GPA33: variants seen among roughly 807,000 people sequenced by gnomAD.
GPA33 encodes the protein glycoprotein A33.
Under a neutral mutation model 35.6 loss-of-function variants are expected in GPA33, and 27 were observed. The observed-to-expected ratio is 0.76, with a 90% CI of 0.56 to 1.04. The LOEUF is 1.04. Ranked by LOEUF, GPA33 falls within the 50% of genes least tolerant of loss-of-function variation. The pLI, the probability that GPA33 is intolerant of heterozygous loss-of-function variation, is 0.00. For missense variants in GPA33, 428 were observed against 411.9 expected (o/e 1.04, Z -0.34); for synonymous variants, 176 against 164.0 (o/e 1.07, Z -0.56).
chr1:167,085,182 T>C lies in GPA33; in HGVS notation c.43+5063A>G, dbSNP rs534445762. Among the ~76,000 whole-genome samples the C allele has an allele frequency of 4.6e-5, 7 of 152,092 alleles. No individual in the cohort carries two copies. In the South Asian group the frequency reaches 1.2e-3, roughly 27 times the overall value. On this transcript the variant is annotated intron_variant, in intron 1 of 6. Transcript: ENST00000367868. Reference sequence around the variant, plus strand: ...GGTGGAGGTGGATGTAGAGTGACAATAGGAGAGCCTGGGACTGAGGGTGAG... The same window carrying C: ...GGTGGAGGTGGATGTAGAGTGACAACAGGAGAGCCTGGGACTGAGGGTGAG...
intron 1 of GPA33, among the ~76,000 whole-genome samples, chr1:167,074,790 G>C (rs1454265420): frequency 6.6e-6 from 1 of 151,958 alleles, no homozygotes; most frequent in Admixed American, 6.6e-5. Flanking sequence ...TGTGGGGGTG[G>C]GGGTGGTCTC....
intron 1 of GPA33, among the ~76,000 whole-genome samples, chr1:167,081,805 G>A (rs1005291264): frequency 6.6e-6 from 1 of 152,204 alleles, no homozygotes; most frequent in African/African-American, 2.4e-5. Context: ...CTGGGGCAGC[G>A]TCTGAGTCTC....
rs1194416588 is a variant in GPA33, at chr1:167,074,966, G to T, written c.44-1427C>A. 2.8e-5 allele frequency among the ~76,000 whole-genome samples: 4 copies of T among 144,452 alleles called. No individual in the cohort carries two copies. In the East Asian group the frequency reaches 5.9e-4, roughly 21 times the overall value. The allele number at this position is 144,452 out of a possible 152,430, so 94.8% of individuals were successfully genotyped here. ...CTCTGTTGCCAGGCTGGAGTGCAGT[G>T]GCTCGATCTTGAATTGCCTCCTCCC... is the stretch of plus-strand genomic sequence containing the variant. On this transcript the variant is annotated intron_variant, in intron 1 of 6. Coordinates refer to ENST00000367868, the MANE Select transcript of GPA33 (RefSeq NM_005814.3).
intron 1 of GPA33, among the ~76,000 whole-genome samples, chr1:167,079,843 C>T (rs1023164777): frequency 7.9e-5 from 12 of 152,214 alleles, no homozygotes; most frequent in Non-Finnish European, 1.5e-4. Flanking sequence ...TCACCTCCAT[C>T]TGGAATAAAT....
chr1:167,062,275 G>T (rs1666473302), intron 4 of GPA33, among the ~76,000 whole-genome samples: 1 of 151,628 alleles, frequency 6.6e-6, no homozygotes, highest in South Asian at 2.1e-4. Context: ...GAGTGCAGTG[G>T]TGTGATCATG....
At position 167,090,270 on chromosome 1, in the gene GPA33, C is replaced by A; in HGVS notation, c.18G>T (p.Trp6Cys). The A allele has an allele frequency of 6.2e-7, 1 of 1,613,622 alleles. No individual in the cohort carries two copies. Among genetic ancestry groups the A allele is most frequent in the Non-Finnish European group, 8.5e-7 (1 of 1,179,570 alleles). Residue 6 changes from tryptophan (W) to cysteine (C), a missense_variant, in exon 1 of 7, where the codon TGG (tryptophan) becomes TGT (cysteine). Coordinates refer to ENST00000367868, the MANE Select transcript of GPA33 (RefSeq NM_005814.3). MVGKM[W>C]PVLWTLCAVR... ...CTGCACAGAGTGTCCACAACACAGG[C>A]CACATCTTCCCCACCATGGTCTTGC...
At position 167,069,048 on chromosome 1, in the gene GPA33, G is replaced by T; in HGVS notation, c.289C>A (p.Gln97Lys). ...TCAATGGTGATGGAGGCATCGGACTGCTCAGCATTGTTGGATATGCTGACG... is the reference window on the plus strand; with the variant it reads ...TCAATGGTGATGGAGGCATCGGACTTCTCAGCATTGTTGGATATGCTGACG... The part of the protein sequence containing the change: ...NRVSISNNAE[Q>K]SDASITIDQL... The change falls in exon 3 of 7, where the codon CAG becomes AAG. Residue 97 changes from glutamine to lysine, a missense_variant. Transcript: ENST00000367868. 2 of 1,613,458 alleles carry T rather than the reference G, an allele frequency of 1.2e-6. No homozygotes were observed. Among genetic ancestry groups the T allele is most frequent in the Non-Finnish European group, 1.7e-6 (2 of 1,179,370 alleles).
chr1:167,082,754 A>G (rs1329708271), intron 1 of GPA33, among the ~76,000 whole-genome samples: 1 of 152,200 alleles, frequency 6.6e-6, no homozygotes, highest in Non-Finnish European at 1.5e-5. Flanking sequence ...CTCCTCTCCC[A>G]GTGAACTTTG....
At chr1:167,067,428 A>G (rs1371047888) in intron 3 of GPA33, among the ~76,000 whole-genome samples, 1 of 152,132 alleles carries the variant, frequency 6.6e-6, no homozygotes, top group Non-Finnish European at 1.5e-5. Context: ...AAAGTAAAAC[A>G]TTGGTTTCAC....
intron 1 of GPA33, among the ~76,000 whole-genome samples, chr1:167,087,988 AG>A: frequency 6.6e-6 from 1 of 152,128 alleles, no homozygotes; most frequent in Non-Finnish European, 1.5e-5. Flanking sequence ...CTACTTTAAA[AG>A]CACGGCCTTG....
chr1:167,063,764 G>T, intron 3 of GPA33, 27 bp from the exon 4 acceptor site: 1 of 1,601,746 alleles, frequency 6.2e-7, no homozygotes, highest in Non-Finnish European at 8.5e-7. Flanking sequence ...CCAAAGAGAA[G>T]GCATGAGGCA....
At chr1:167,062,418 A>G (rs556397104) in intron 4 of GPA33, among the ~76,000 whole-genome samples, 2 of 150,984 alleles carry the variant, frequency 1.3e-5, no homozygotes, top group East Asian at 2.0e-4. Flanking sequence ...CAGGGGTCTC[A>G]CAATGTTGCC....
chr1:167,062,194 T>C (rs1421035265), intron 4 of GPA33, among the ~76,000 whole-genome samples: 1 of 151,708 alleles, frequency 6.6e-6, no homozygotes, highest in Non-Finnish European at 1.5e-5. Flanking sequence ...TATTTTACTT[T>C]ATTTTATTTT....
intron 2 of GPA33, among the ~76,000 whole-genome samples, chr1:167,072,902 G>A (rs1189077876): frequency 1.3e-5 from 2 of 151,946 alleles, no homozygotes; most frequent in African/African-American, 4.8e-5. Context: ...GTGGGAAGAG[G>A]GTGGGTGAGA....
At position 167,063,562 on chromosome 1, in the gene GPA33, CT is replaced by C; in HGVS notation, c.571+19del. The C allele has an allele frequency of 6.3e-7, 1 of 1,585,572 alleles. No individual in the cohort carries two copies. The highest frequency in any genetic ancestry group is 8.6e-7 in the Non-Finnish European group (1 of 1,163,016). On this transcript the variant is annotated intron_variant, in intron 4 of 6. Coordinates refer to ENST00000367868, the MANE Select transcript of GPA33 (RefSeq NM_005814.3). ...TTGCACTTTGACGTGGGGAGCCCGC[CT>C]TCCCTACTGCCCCCTTACCTGGCTG...
intron 1 of GPA33, among the ~76,000 whole-genome samples, chr1:167,075,547 G>A (rs576387452): frequency 8.3e-4 from 127 of 152,298 alleles, no homozygotes; most frequent in Middle Eastern, 3.4e-3. Flanking sequence ...GTTTCAGGGG[G>A]CAGATCAGGA....
At chr1:167,068,792 C>A in intron 3 of GPA33, 130 bp downstream of exon 3, 1 of 651,578 alleles carries the variant, frequency 1.5e-6, no homozygotes, top group Non-Finnish European at 2.8e-6. Context: ...TGAAGACAGC[C>A]TGGACGAGGT....
At chr1:167,073,688 C>T (rs545862387) in intron 1 of GPA33, 149 bp from the exon 2 acceptor site, 1 of 647,248 alleles carries the variant, frequency 1.5e-6, no homozygotes, top group East Asian at 2.8e-5. Flanking sequence ...TTGGCCCTGG[C>T]AACCAGCTTC....
At chr1:167,077,129 C>G (rs1033051607) in intron 1 of GPA33, among the ~76,000 whole-genome samples, 2 of 151,836 alleles carry the variant, frequency 1.3e-5, no homozygotes, top group Non-Finnish European at 2.9e-5. Flanking sequence ...TCACTTGAAG[C>G]TGGGAGGTAG....
Sources: gnomAD v4.1 joint callset for allele counts (sites outside exome capture counted in the v4.1 genomes callset) on GRCh38, gnomAD v4.1.1 for gene constraint, MANE v1.5 for transcripts, NCBI Gene and HGNC (gene_info 2026-07-23, HGNC 2026-07-21) for gene names.